FOXO1: variants seen among roughly 807,000 people sequenced by gnomAD.
FOXO1 encodes forkhead box protein O1.
In FOXO1, 6 loss-of-function variants were observed where a neutral mutation model predicts 44.1. That is an observed-to-expected ratio of 0.14 (90% confidence interval 0.07 to 0.27). The LOEUF (loss-of-function observed/expected upper bound fraction) is 0.27, where lower values mean the gene tolerates loss of function less well. FOXO1 is among the 10% of genes least tolerant of loss of function. FOXO1 has a pLI of 1.00. For synonymous variants in FOXO1, 380 were observed against 362.7 expected (o/e 1.05, Z -0.54); for missense variants, 737 against 888.8 (o/e 0.83, Z 2.17).
intron 1 of FOXO1, among the ~76,000 whole-genome samples, chr13:40,660,260 T>C (rs56204202): frequency 0.097 from 14,808 of 152,174 alleles, 919 homozygotes; most frequent in East Asian, 0.24. Flanking sequence ...TCCCACACAA[T>C]TGAAAATTCT....
chr13:40,627,843 A>AC (rs1021907230), intron 1 of FOXO1, among the ~76,000 whole-genome samples: 3 of 151,992 alleles, frequency 2.0e-5, no homozygotes, highest in African/African-American at 4.8e-5. Flanking sequence ...AAAAAAAAAA[A>AC]AAACAAACAA....
intron 1 of FOXO1, among the ~76,000 whole-genome samples, chr13:40,639,208 A>C (rs1877268948): frequency 6.6e-6 from 1 of 152,172 alleles, no homozygotes; most frequent in African/African-American, 2.4e-5. Flanking sequence ...TTTAAAAAAA[A>C]AAACAACAAC....
At chr13:40,583,065 C>T (rs559402311) in intron 1 of FOXO1, among the ~76,000 whole-genome samples, 11 of 152,300 alleles carry the variant, frequency 7.2e-5, no homozygotes, top group Non-Finnish European at 1.6e-4. Flanking sequence ...GTTGTGTTAG[C>T]AGACAAGAAA....
chr13:40,640,582 T>C (rs745446554), intron 1 of FOXO1, among the ~76,000 whole-genome samples: 9 of 152,140 alleles, frequency 5.9e-5, no homozygotes, highest in East Asian at 1.9e-4. Context: ...GTGCATGCAA[T>C]AGAGACAGTA....
chr13:40,639,240 G>A (rs1044768512), intron 1 of FOXO1, among the ~76,000 whole-genome samples: 1 of 151,976 alleles, frequency 6.6e-6, no homozygotes, highest in Admixed American at 6.6e-5. Context: ...CAATGAAAAG[G>A]GAAGCAGGGA....
At chr13:40,663,048 A>G (rs939964488) in intron 1 of FOXO1, among the ~76,000 whole-genome samples, 2 of 152,214 alleles carry the variant, frequency 1.3e-5, no homozygotes, top group African/African-American at 4.8e-5. Flanking sequence ...TACTTGCTGC[A>G]ATCAGACTTA....
chr13:40,562,829 G>C (rs557840044), intron 1 of FOXO1: 1 of 152,502 alleles, frequency 6.6e-6, no homozygotes, highest in East Asian at 1.9e-4. Flanking sequence ...GTGTTCAGGG[G>C]AGTCCGTGGG....
At chr13:40,628,389 A>G (rs559692682) in intron 1 of FOXO1, among the ~76,000 whole-genome samples, 1 of 148,704 alleles carries the variant, frequency 6.7e-6, no homozygotes, top group Non-Finnish European at 1.5e-5. Flanking sequence ...ACACACACAC[A>G]CCCCGTGAGG....
At chr13:40,619,176 C>T in intron 1 of FOXO1, 1 of 356,126 alleles carries the variant, frequency 2.8e-6, no homozygotes, top group Non-Finnish European at 5.4e-6. Context: ...AATACCTAAT[C>T]CCAGCTACTC....
At chr13:40,619,604 A>T (rs1199739302) in intron 1 of FOXO1, 5 of 1,534,094 alleles carry the variant, frequency 3.3e-6, no homozygotes, top group Non-Finnish European at 4.5e-6. Context: ...AATAGGCAAC[A>T]AAGGTCATCT....
chr13:40,637,136 C>G (rs1206470150), intron 1 of FOXO1, among the ~76,000 whole-genome samples: 1 of 152,052 alleles, frequency 6.6e-6, no homozygotes, highest in Non-Finnish European at 1.5e-5. Context: ...GTGGCAGTGG[C>G]AATTGATCCC....
At chr13:40,566,167 G>A (rs1270410818) in intron 1 of FOXO1, among the ~76,000 whole-genome samples, 1 of 152,172 alleles carries the variant, frequency 6.6e-6, no homozygotes, top group East Asian at 1.9e-4. Flanking sequence ...GGGGTTGGCA[G>A]AGCAGGGACC....
At chr13:40,625,403 G>T (rs1022435893) in intron 1 of FOXO1, among the ~76,000 whole-genome samples, 4 of 152,126 alleles carry the variant, frequency 2.6e-5, no homozygotes, top group African/African-American at 7.2e-5. Flanking sequence ...AATGCTGATG[G>T]ATTACTTTTC....
At chr13:40,656,176 T>G (rs1877853801) in intron 1 of FOXO1, among the ~76,000 whole-genome samples, 1 of 152,220 alleles carries the variant, frequency 6.6e-6, no homozygotes, top group African/African-American at 2.4e-5. Flanking sequence ...TATTGAAATA[T>G]CCCATTATAA....
At chr13:40,629,355 T>C (rs1593406866) in intron 1 of FOXO1, among the ~76,000 whole-genome samples, 1 of 152,320 alleles carries the variant, frequency 6.6e-6, no homozygotes, top group East Asian at 1.9e-4. Flanking sequence ...TTGGTCAGGC[T>C]GGTCTCGAAC....
chr13:40,598,548 A>G (rs1440091717), intron 1 of FOXO1, among the ~76,000 whole-genome samples: 1 of 152,236 alleles, frequency 6.6e-6, no homozygotes, highest in African/African-American at 2.4e-5. Context: ...ACAAGTTGAT[A>G]CTTTCTTGAA....
intron 1 of FOXO1, among the ~76,000 whole-genome samples, chr13:40,564,996 T>TCGGGGAACCCCGACATGGTGTAG (rs1593380051): frequency 2.0e-5 from 3 of 152,150 alleles, no homozygotes; most frequent in Admixed American, 6.6e-5. Context: ...CATGGTGTAC[T>TCGGGGAACCCCGACATGGTGTAG]TGCTTGTTCA....
chr13:40,562,903 A>C (rs1874092609), intron 1 of FOXO1: 1 of 152,476 alleles, frequency 6.6e-6, no homozygotes, highest in Non-Finnish European at 1.5e-5. Flanking sequence ...CTTGTCTTAT[A>C]GCTTCTGGCC....
Sources: gnomAD v4.1 joint callset for allele counts (sites outside exome capture counted in the v4.1 genomes callset) on GRCh38, gnomAD v4.1.1 for gene constraint, MANE v1.5 for transcripts, NCBI Gene and HGNC (gene_info 2026-07-23, HGNC 2026-07-21) for gene names.